Variants in ZEB1 observed in about 807,000 individuals in gnomAD.
ZEB1 encodes zinc finger E-box binding homeobox 1, also known as zinc finger E-box-binding homeobox 1.
In ZEB1, 21 loss-of-function variants were observed where a neutral mutation model predicts 84.9. That is an observed-to-expected ratio of 0.25 (90% CI 0.18 to 0.36). ZEB1 has a LOEUF of 0.36. Ranked by LOEUF, ZEB1 falls within the 10% of genes least tolerant of loss-of-function variation. The pLI, the probability that ZEB1 is intolerant of heterozygous loss-of-function variation, is 1.00. For synonymous variants in ZEB1, 420 were observed against 471.1 expected, an observed-to-expected ratio of 0.89 and a Z score of 1.41; for missense variants, 1,104 against 1,330.2, an observed-to-expected ratio of 0.83 and a Z score of 2.65.
At chr10:31,335,686 T>C (rs1175573360) in intron 1 of ZEB1, among the ~76,000 whole-genome samples, 2 of 152,174 alleles carry the variant, frequency 1.3e-5, no homozygotes, top group African/African-American at 4.8e-5. Context: ...GGTAAAGTAT[T>C]GAAGGCATTG....
At chr10:31,443,546 A>G (rs1049836659) in intron 1 of ZEB1, among the ~76,000 whole-genome samples, 6 of 140,318 alleles carry the variant, frequency 4.3e-5, no homozygotes, top group Admixed American at 1.4e-4. Flanking sequence ...ATATCTCCCA[A>G]TGCTATCCCT....
chr10:31,333,819 T>C (rs550945775), intron 1 of ZEB1, among the ~76,000 whole-genome samples: 2 of 152,194 alleles, frequency 1.3e-5, no homozygotes, highest in Non-Finnish European at 2.9e-5. Flanking sequence ...TTACAAGCAA[T>C]ACCTTAAAAA....
chr10:31,520,869 C>T lies in ZEB1; in HGVS notation c.1537C>T (p.Leu513Phe). ...TAAAAGTGAAAAGTTACCAGAAGAT[C>T]TTACTGTTAAGTCTGAGAAGGACAA... is the stretch of plus-strand genomic sequence containing the variant. Reference protein sequence around the residue: ...SCKSEKLPEDLTVKSEKDKSF... With the variant: ...SCKSEKLPEDFTVKSEKDKSF... Residue 513 changes from leucine (L) to phenylalanine (F), a missense_variant, in exon 7 of 9, where the codon CTT becomes TTT. Coordinates refer to ENST00000424869, the MANE Select transcript of ZEB1 (RefSeq NM_001174096.2). The surrounding 1 kb of genome is among the most constrained non-coding windows in gnomAD (Gnocchi z 5.1). 6.2e-7 allele frequency: 1 copy of T among 1,614,094 alleles called. No homozygotes were observed. Among genetic ancestry groups the T allele is most frequent in the African/African-American group, 1.3e-5 (1 of 75,034 alleles).
At position 31,396,312 on chromosome 10, in the gene ZEB1, A is replaced by G. The variant is rs149070966; in HGVS notation, c.59-64725A>G. Among the ~76,000 whole-genome samples the G allele has an allele frequency of 2.5e-3, 386 of 152,342 alleles. 1 individual carries two copies. The highest frequency in any genetic ancestry group is 8.5e-3 in the African/African-American group (355 of 41,584). ...TTGTTACTGGCACGATGGTGGCGAT[A>G]CTCAGAACAAACAAAAACAGTGTGA... is the stretch of plus-strand genomic sequence containing the variant. On this transcript the variant is annotated intron_variant, in intron 1 of 8. Transcript: ENST00000424869.
chr10:31,487,066 CTATATT>C (rs1254904689), intron 2 of ZEB1, among the ~76,000 whole-genome samples: 1 of 151,300 alleles, frequency 6.6e-6, no homozygotes, highest in Non-Finnish European at 1.5e-5. Context: ...AATTAATTGT[CTATATT>C]TATGTGGGTC....
intron 1 of ZEB1, among the ~76,000 whole-genome samples, chr10:31,328,497 C>A (rs946499717): frequency 1.3e-5 from 2 of 151,978 alleles, no homozygotes; most frequent in Non-Finnish European, 2.9e-5. Context: ...AATTTTTTAT[C>A]CTTTTGACCA....
chr10:31,388,067 TA>T (rs2048956755), intron 1 of ZEB1, among the ~76,000 whole-genome samples: 1 of 152,170 alleles, frequency 6.6e-6, no homozygotes, highest in Admixed American at 6.6e-5. Context: ...TGACCAGTCT[TA>T]AATTCAAATG....
chr10:31,481,838 T>G (rs1466981199), intron 2 of ZEB1, among the ~76,000 whole-genome samples: 1 of 151,976 alleles, frequency 6.6e-6, no homozygotes, highest in African/African-American at 2.4e-5. Flanking sequence ...ATATAAATAC[T>G]TAAACACCTG....
intron 1 of ZEB1, among the ~76,000 whole-genome samples, chr10:31,438,230 G>A (rs2058505227): frequency 1.3e-5 from 2 of 152,304 alleles, no homozygotes; most frequent in South Asian, 4.1e-4. Flanking sequence ...TGTTCAGCAA[G>A]TATTACCTTC....
intron 1 of ZEB1, among the ~76,000 whole-genome samples, chr10:31,432,431 A>G (rs1001563146): frequency 3.9e-5 from 6 of 152,138 alleles, no homozygotes; most frequent in Non-Finnish European, 7.3e-5. Context: ...TCTACAGAAA[A>G]TTTAAAAATT....
intron 3 of ZEB1, among the ~76,000 whole-genome samples, chr10:31,498,955 T>C (rs2067698968): frequency 6.6e-6 from 1 of 152,088 alleles, no homozygotes; most frequent in Admixed American, 6.5e-5. Flanking sequence ...TTTTTTAGCA[T>C]TGAGGTACCT....
intron 1 of ZEB1, among the ~76,000 whole-genome samples, chr10:31,442,317 C>A (rs763451453): frequency 1.3e-5 from 2 of 151,920 alleles, no homozygotes; most frequent in Non-Finnish European, 2.9e-5. Context: ...GACAAAAAAC[C>A]AAACACTGTA....
Position 31,528,089 on chromosome 10 carries a change from A to T in ZEB1, c.*825A>T, listed in dbSNP as rs561593395. On this transcript the variant is annotated 3_prime_UTR_variant, in exon 9 of 9. Coordinates refer to ENST00000424869, the MANE Select transcript of ZEB1 (RefSeq NM_001174096.2). ...TTGAATATGTGGTAACATATGAAGG[A>T]TATGACATGAAGCTTTGTATCTCCT... is the stretch of plus-strand genomic sequence containing the variant. The T allele has an allele frequency of 1.3e-5, 2 of 152,342 alleles. No individual in the cohort carries two copies. The highest frequency in any genetic ancestry group is 1.3e-4 in the Admixed American group (2 of 15,296). The allele number at this position is 152,342 out of a possible 1,614,324, so 9.4% of individuals were successfully genotyped here. A position where few individuals can be genotyped will look rare whatever the true frequency, so the allele number is the denominator to read the frequency against.
chr10:31,351,312 G>A (rs1466224293), intron 1 of ZEB1, among the ~76,000 whole-genome samples: 2 of 152,064 alleles, frequency 1.3e-5, no homozygotes, highest in Non-Finnish European at 2.9e-5. Context: ...TAGTGTCTGC[G>A]TCAAAACAAA....
At chr10:31,450,449 C>T in intron 1 of ZEB1, among the ~76,000 whole-genome samples, 1 of 151,818 alleles carries the variant, frequency 6.6e-6, no homozygotes, top group East Asian at 1.9e-4. Flanking sequence ...AACCATTTAC[C>T]AAATGTCCTT....
intron 1 of ZEB1, chr10:31,319,638 G>T (rs1374992585): frequency 1.3e-5 from 4 of 301,148 alleles, no homozygotes; most frequent in Non-Finnish European, 2.4e-5. Flanking sequence ...CACTTTTCTG[G>T]TCCCGGGTGG....
rs568033539 is a variant in ZEB1, at chr10:31,474,368, AAAAC to A, written c.259+13137_259+13140del. On this transcript the variant is annotated intron_variant, in intron 2 of 8. Transcript: ENST00000424869. ...TGAACTCCAACAAATTTACAAGAAA[AAAAC>A]AAACAGCCCCATCAAAAAGTGGGCA... Among the ~76,000 whole-genome samples, 925 of 152,170 alleles carry A rather than the reference AAAAC, an allele frequency of 6.1e-3. 9 individuals carry two copies. The highest frequency in any genetic ancestry group is 0.021 in the African/African-American group (853 of 41,408).
At chr10:31,365,843 A>C (rs1408155429) in intron 1 of ZEB1, among the ~76,000 whole-genome samples, 1 of 152,240 alleles carries the variant, frequency 6.6e-6, no homozygotes, top group Non-Finnish European at 1.5e-5. Flanking sequence ...ATGATCAGCT[A>C]TATCGAAATA....
Position 31,521,280 on chromosome 10 carries a change from C to A in ZEB1, c.1948C>A (p.Pro650Thr). Residue 650 changes from proline (P) to threonine (T), a missense_variant, in exon 7 of 9, where the codon CCA becomes ACA. By Grantham distance (38) the Pro-to-Thr change is conservative. Transcript: ENST00000424869. Reference sequence around the variant, plus strand: ...GTCTTCTGAACCATCTTCTCCTGAACCAGGCAAAGTAAATATCCCTGCCAA... The same window carrying A: ...GTCTTCTGAACCATCTTCTCCTGAAACAGGCAAAGTAAATATCCCTGCCAA... ...VQSSEPSSPE[P>T]GKVNIPAKNN... 2 of 1,614,024 alleles carry A rather than the reference C, an allele frequency of 1.2e-6. No individual in the cohort carries two copies. The highest frequency in any genetic ancestry group is 1.7e-6 in the Non-Finnish European group (2 of 1,180,008).
Sources: allele counts gnomAD v4.1 joint callset (sites outside exome capture counted in the v4.1 genomes callset), GRCh38; gene constraint gnomAD v4.1.1; non-coding constraint Gnocchi (gnomAD v3.1); transcripts MANE v1.5; gene names NCBI Gene and HGNC (gene_info 2026-07-23, HGNC 2026-07-21).